Variants in SERBP1 observed in about 807,000 individuals in gnomAD.
SERBP1 encodes the protein SERPINE1 mRNA binding protein 1.
In SERBP1, 6 loss-of-function variants were observed where a neutral mutation model predicts 50.2. The ratio of observed to expected loss-of-function variants is 0.12; its 90% CI spans 0.07 to 0.24. The LOEUF (loss-of-function observed/expected upper bound fraction) is 0.24. Among genes scored for constraint, SERBP1 ranks in the 10% least tolerant of loss-of-function variants. The pLI is 1.00. For synonymous variants in SERBP1, 168 were observed against 182.8 expected, an observed-to-expected ratio of 0.92 and a Z score of 0.65; for missense variants, 346 against 524.9, an observed-to-expected ratio of 0.66 and a Z score of 3.33.
chr1:67,414,659 C>G (rs41458747), intron 7 of SERBP1, among the ~76,000 whole-genome samples: 6,840 of 152,216 alleles, frequency 0.045, 207 homozygotes, highest in African/African-American at 0.076. Flanking sequence ...AAATGAATCC[C>G]AGCTCTCACA....
At chr1:67,416,198 A>T (rs1667006538) in intron 6 of SERBP1, among the ~76,000 whole-genome samples, 1 of 152,128 alleles carries the variant, frequency 6.6e-6, no homozygotes, top group South Asian at 2.1e-4. Context: ...TATTTTTTAT[A>T]GACAGGTTTT....
chr1:67,418,227 A>G (rs968477724), intron 6 of SERBP1, among the ~76,000 whole-genome samples: 4 of 151,300 alleles, frequency 2.6e-5, no homozygotes, highest in African/African-American at 9.7e-5. Flanking sequence ...CGCCCGCCTC[A>G]GTCTCCCAAA....
chr1:67,421,676 G>T (rs562474931), intron 5 of SERBP1, among the ~76,000 whole-genome samples: 1 of 152,150 alleles, frequency 6.6e-6, no homozygotes, highest in East Asian at 1.9e-4. Context: ...AGTTGTGGTT[G>T]GACACGGTGG....
At chr1:67,414,973 C>CTAA (rs936040353) in intron 7 of SERBP1, among the ~76,000 whole-genome samples, 193 bp downstream of exon 7, 1 of 152,198 alleles carries the variant, frequency 6.6e-6, no homozygotes, top group Non-Finnish European at 1.5e-5. Flanking sequence ...AGGGTGGTAA[C>CTAA]TTAACACTAC....
Position 67,411,074 on chromosome 1 carries a change from ATTTTCAG to A in SERBP1, c.*2126_*2132del, listed in dbSNP as rs1666821578. ...GAAGTGAGCATGAAAATAAATCTTT[ATTTTCAG>A]TTATTACCCACCAATAAGAGAAAGT... On this transcript the variant is annotated 3_prime_UTR_variant, in exon 8 of 8. Transcript: ENST00000361219. 6.6e-6 allele frequency: 1 copy of A among 152,140 alleles called. No individual in the cohort carries two copies. The highest frequency in any genetic ancestry group is 1.5e-5 in the Non-Finnish European group (1 of 67,970). The allele number at this position is 152,140 out of a possible 1,614,324, so 9.4% of individuals were successfully genotyped here.
intron 1 of SERBP1, among the ~76,000 whole-genome samples, chr1:67,428,720 C>A (rs1570309362): frequency 1.4e-5 from 2 of 147,426 alleles, no homozygotes; most frequent in East Asian, 3.9e-4. Flanking sequence ...TCATTCCGAG[C>A]CTCACAAAAG....
At position 67,424,059 on chromosome 1, in the gene SERBP1, G is replaced by C. The variant is rs369580323; in HGVS notation, c.773+141C>G. On this transcript the variant is annotated intron_variant, in intron 5 of 7. Coordinates refer to ENST00000361219, the MANE Select transcript of SERBP1 (RefSeq NM_001018069.2). Reference sequence around the variant, plus strand: ...AAAAGCATTCTTTCAAATACTCTTTGAGGGATGAGGGTACAGTAAGTCTCC... The same window carrying C: ...AAAAGCATTCTTTCAAATACTCTTTCAGGGATGAGGGTACAGTAAGTCTCC... 3.9e-6 allele frequency: 3 copies of C among 759,692 alleles called. No homozygotes were observed. The African/African-American group carries it at 5.4e-5, about 14-fold the overall frequency. The allele number at this position is 759,692 out of a possible 1,614,324, so 47.1% of individuals were successfully genotyped here. A position where few individuals can be genotyped will look rare whatever the true frequency, so the allele number is the denominator to read the frequency against.
chr1:67,423,234 G>A (rs568654017), intron 5 of SERBP1, among the ~76,000 whole-genome samples: 1 of 151,986 alleles, frequency 6.6e-6, no homozygotes, highest in Admixed American at 6.5e-5. Flanking sequence ...GGGAGGCGGA[G>A]GTTGCAGTGA....
rs750785652 is a variant in SERBP1, at chr1:67,410,914, G to C, written c.*2293C>G. 1 of 151,974 alleles carries C rather than the reference G, an allele frequency of 6.6e-6. No homozygotes were observed. The highest frequency in any genetic ancestry group is 2.1e-4 in the South Asian group (1 of 4,820). The allele number at this position is 151,974 out of a possible 1,614,324, so 9.4% of individuals were successfully genotyped here. A position where few individuals can be genotyped will look rare whatever the true frequency, so the allele number is the denominator to read the frequency against. ...TTCCCAAATGTGATTCAACAGCCTGGTTTTTAGCAAATAAAAACCCCATAT... is the reference window on the plus strand; with the variant it reads ...TTCCCAAATGTGATTCAACAGCCTGCTTTTTAGCAAATAAAAACCCCATAT... On this transcript the variant is annotated 3_prime_UTR_variant, in exon 8 of 8. Transcript: ENST00000361219.
chr1:67,429,848 T>C, intron 1 of SERBP1, 140 bp downstream of exon 1: 1 of 1,007,816 alleles, frequency 9.9e-7, no homozygotes. Flanking sequence ...GGACCGGACT[T>C]TTGTCGCGTG....
intron 7 of SERBP1, among the ~76,000 whole-genome samples, chr1:67,414,301 T>G (rs890700130): frequency 6.6e-6 from 1 of 151,922 alleles, no homozygotes; most frequent in Non-Finnish European, 1.5e-5. Flanking sequence ...CTTTATAGCC[T>G]AAAGTATAAA....
chr1:67,414,312 T>C (rs555324620), intron 7 of SERBP1, among the ~76,000 whole-genome samples: 24 of 151,560 alleles, frequency 1.6e-4, no homozygotes, highest in African/African-American at 5.6e-4. Flanking sequence ...AAAGTATAAA[T>C]AACAGAACTA....
In SERBP1 at chr1:67,430,265, C is replaced by T. The variant is rs1222076977; in HGVS notation, c.36G>A (p.Val12=). The change falls in exon 1 of 8, where the codon GTG becomes GTA. Residue 12 remains valine (V), a synonymous_variant. Coordinates refer to ENST00000361219, the MANE Select transcript of SERBP1 (RefSeq NM_001018069.2). ...ATAACTGGTCGAATCGGTTGGTGAC[C>T]ACGCAGCCGAAGCCTTCCTGTAAGT... ...PGHLQEGFGC[V]VTNRFDQLFD... is the part of the protein sequence containing the mutation. 2 of 1,560,080 alleles carry T rather than the reference C, an allele frequency of 1.3e-6. No homozygotes were observed. The highest frequency in any genetic ancestry group is 4.6e-5 in the East Asian group (2 of 43,618).
chr1:67,429,976 C>G lies in SERBP1; in HGVS notation c.313+12G>C, dbSNP rs769983617. 1.3e-6 allele frequency: 2 copies of G among 1,591,428 alleles called. No homozygotes were observed. The highest frequency in any genetic ancestry group is 1.7e-6 in the Non-Finnish European group (2 of 1,169,082). On this transcript the variant is annotated intron_variant, in intron 1 of 7. Coordinates refer to ENST00000361219, the MANE Select transcript of SERBP1 (RefSeq NM_001018069.2). The stretch of plus-strand genomic sequence containing the variant: ...CCATCCCAGTCTCCCCCACATTCTG[C>G]CCCTGCTTTACCTTCTTTCTTAAGC...
At chr1:67,426,034 G>T in intron 2 of SERBP1, 101 bp downstream of exon 2, 1 of 964,112 alleles carries the variant, frequency 1.0e-6, no homozygotes, top group South Asian at 1.8e-5. Flanking sequence ...AGGATCATTT[G>T]AGCCCAGGAA....
Position 67,430,383 on chromosome 1 carries a change from A to G in SERBP1, c.-83T>C. ...AGCGCCTGCTTCAGCTCTTCCCACA[A>G]GATGGCCGGGCCGAGAGAGGGGGGC... On this transcript the variant is annotated 5_prime_UTR_variant, in exon 1 of 8. Transcript: ENST00000361219. 7.1e-7 allele frequency: 1 copy of G among 1,402,654 alleles called. No individual in the cohort carries two copies. The highest frequency in any genetic ancestry group is 9.6e-7 in the Non-Finnish European group (1 of 1,045,530). 86.9% of individuals were successfully genotyped at this position (1,402,654 alleles called of 1,614,324 possible). A position where few individuals can be genotyped will look rare whatever the true frequency, so the allele number is the denominator to read the frequency against.
chr1:67,419,491 A>G (rs1318076243), intron 6 of SERBP1, among the ~76,000 whole-genome samples: 1 of 152,220 alleles, frequency 6.6e-6, no homozygotes, highest in Non-Finnish European at 1.5e-5. Flanking sequence ...TTGGTTTTTA[A>G]AGTCGTCATT....
In SERBP1 at chr1:67,430,265, C is replaced by A. The variant is rs1222076977; in HGVS notation, c.36G>T (p.Val12=). 6.4e-7 allele frequency: 1 copy of A among 1,560,078 alleles called. No homozygotes were observed. Among genetic ancestry groups the A allele is most frequent in the Non-Finnish European group, 8.6e-7 (1 of 1,156,866 alleles). Residue 12 remains valine (V), a synonymous_variant, in exon 1 of 8, where the codon GTG becomes GTT. Transcript: ENST00000361219. ...ATAACTGGTCGAATCGGTTGGTGAC[C>A]ACGCAGCCGAAGCCTTCCTGTAAGT... is the stretch of plus-strand genomic sequence containing the variant. ...PGHLQEGFGC[V]VTNRFDQLFD... is the part of the protein sequence containing the mutation.
At position 67,424,895 on chromosome 1, in the gene SERBP1, C is replaced by T. The variant is rs752136192; in HGVS notation, c.688G>A (p.Glu230Lys). The change falls in exon 4 of 8, where the codon GAA (glutamate) becomes AAA (lysine). Residue 230 changes from glutamate (E) to lysine (K), a missense_variant. By Grantham distance (56) the Glu-to-Lys change is moderately conservative. Around this residue, in one of 5 missense-constraint regions of SERBP1, gnomAD observed 257 missense variants for 331.2 expected, o/e 0.78. Transcript: ENST00000361219. ...GAAAATCAGAATACCAACGTTAATT[C>T]GTCTTTGACAGTTCCCCAGTTGTGA... is the stretch of plus-strand genomic sequence containing the variant. ...GSHNWGTVKDELTDLDQSNVT... is the reference protein window; with the variant it reads ...GSHNWGTVKDKLTDLDQSNVT... The T allele has an allele frequency of 6.2e-7, 1 of 1,611,266 alleles. No individual in the cohort carries two copies. Among genetic ancestry groups the T allele is most frequent in the Non-Finnish European group, 8.5e-7 (1 of 1,179,064 alleles).
Sources: gnomAD v4.1 joint callset for allele counts (sites outside exome capture counted in the v4.1 genomes callset) on GRCh38, gnomAD v4.1.1 for gene constraint, gnomAD v4.1.1 regional missense constraint, MANE v1.5 for transcripts, NCBI Gene and HGNC (gene_info 2026-07-23, HGNC 2026-07-21) for gene names.